Variants in CAMTA1 observed in about 807,000 individuals in gnomAD.
The protein encoded by CAMTA1 is calmodulin-binding transcription activator 1.
A neutral mutation model predicts 170.9 loss-of-function variants in CAMTA1; 27 were observed. That is an observed-to-expected ratio of 0.16 (90% CI 0.12 to 0.22). CAMTA1 has a LOEUF of 0.22. Ranked by LOEUF, CAMTA1 falls within the 10% of genes least tolerant of loss-of-function variation. The pLI is 1.00. For missense variants in CAMTA1, 1,619 were observed against 2,217.2 expected (o/e 0.73, Z 5.42); for synonymous variants, 833 against 891.5 (o/e 0.93, Z 1.17).
intron 4 of CAMTA1, among the ~76,000 whole-genome samples, chr1:7,139,762 T>C (rs1185202461): frequency 6.6e-6 from 1 of 152,160 alleles, no homozygotes; most frequent in Non-Finnish European, 1.5e-5. Flanking sequence ...GACGGATAAA[T>C]GGGACAATGA....
chr1:7,470,033 G>A (rs7538466), intron 6 of CAMTA1, among the ~76,000 whole-genome samples: 15 of 152,224 alleles, frequency 9.9e-5, no homozygotes, highest in Non-Finnish European at 1.9e-4. Context: ...GAGTCTCCCC[G>A]AAGGCCAGGA....
intron 6 of CAMTA1, among the ~76,000 whole-genome samples, chr1:7,572,992 C>T (rs900032479): frequency 3.9e-5 from 6 of 152,202 alleles, no homozygotes; most frequent in Non-Finnish European, 5.9e-5. Context: ...CCTGAACTCA[C>T]CAAAGCCTTA....
At chr1:7,597,331 G>C (rs928575507) in intron 6 of CAMTA1, among the ~76,000 whole-genome samples, 1 of 152,214 alleles carries the variant, frequency 6.6e-6, no homozygotes, top group Non-Finnish European at 1.5e-5. Flanking sequence ...TTCACTCAGT[G>C]TTTTGCACAG....
intron 4 of CAMTA1, among the ~76,000 whole-genome samples, chr1:7,151,508 G>A (rs1646577447): frequency 6.6e-6 from 1 of 152,198 alleles, no homozygotes; most frequent in South Asian, 2.1e-4. Flanking sequence ...GTCTCTGAAT[G>A]AATATAGCCA....
intron 6 of CAMTA1, among the ~76,000 whole-genome samples, chr1:7,563,664 T>A (rs967971433): frequency 6.6e-6 from 1 of 152,192 alleles, no homozygotes; most frequent in Non-Finnish European, 1.5e-5. Context: ...CTGAGTGGTA[T>A]CAGTGCTTCT....
At position 7,737,383 on chromosome 1, in the gene CAMTA1, G is replaced by A. The variant is rs151130353; in HGVS notation, c.3471G>A (p.Val1157=). 1,285 of 1,614,246 alleles carry A rather than the reference G, an allele frequency of 8.0e-4. 2 individuals are homozygous for A. Among genetic ancestry groups the A allele is most frequent in the South Asian group, 1.7e-3 (153 of 91,088 alleles). Reference sequence around the variant, plus strand: ...GAATTGCCAGGTCACGGGGTCATGTGAAATTAGCAGAGTGTCTGGAGCACC... The same window carrying A: ...GAATTGCCAGGTCACGGGGTCATGTAAAATTAGCAGAGTGTCTGGAGCACC... ...PLGIARSRGH[V]KLAECLEHLQ... is the part of the protein sequence containing the mutation. The change falls in exon 15 of 23, where the codon GTG becomes GTA. Residue 1157 remains valine, a synonymous_variant. Transcript: ENST00000303635.
chr1:7,012,210 A>G (rs1699902499), intron 3 of CAMTA1, among the ~76,000 whole-genome samples: 1 of 151,684 alleles, frequency 6.6e-6, no homozygotes, highest in Admixed American at 6.6e-5. Flanking sequence ...CACGCTTCCC[A>G]TTCTCCAAGG....
intron 5 of CAMTA1, among the ~76,000 whole-genome samples, chr1:7,254,596 G>A (rs971402303): frequency 3.9e-5 from 6 of 152,152 alleles, no homozygotes; most frequent in African/African-American, 7.2e-5. Flanking sequence ...TGGTGGTAAT[G>A]AGGTTATGTT....
chr1:7,324,301 A>G (rs1030176711), intron 5 of CAMTA1, among the ~76,000 whole-genome samples: 2 of 151,908 alleles, frequency 1.3e-5, no homozygotes, highest in African/African-American at 4.8e-5. Context: ...TTTGCTTAGT[A>G]TTTGATCTCT....
At chr1:6,951,076 C>T (rs1308637368) in intron 3 of CAMTA1, among the ~76,000 whole-genome samples, 2 of 152,172 alleles carry the variant, frequency 1.3e-5, no homozygotes, top group East Asian at 1.9e-4. Context: ...TGCAGACAAC[C>T]TTTCTATAGC....
At chr1:7,247,738 G>A (rs374706852) in intron 4 of CAMTA1, among the ~76,000 whole-genome samples, 2 of 152,088 alleles carry the variant, frequency 1.3e-5, no homozygotes, top group Admixed American at 1.3e-4. Context: ...GGGCGGGGAG[G>A]GCTTACAGCA....
intron 4 of CAMTA1, among the ~76,000 whole-genome samples, chr1:7,111,745 C>T (rs894554795): frequency 6.6e-6 from 1 of 151,966 alleles, no homozygotes; most frequent in African/African-American, 2.4e-5. Context: ...ATTAGCCAGG[C>T]GTGGTGGCAC....
intron 3 of CAMTA1, among the ~76,000 whole-genome samples, chr1:6,962,933 C>T (rs1690756779): frequency 6.6e-6 from 1 of 151,174 alleles, no homozygotes; most frequent in African/African-American, 2.4e-5. Context: ...CTGGACCCAC[C>T]CCTCTTTCAG....
chr1:7,071,650 A>G (rs1315895423), intron 3 of CAMTA1, among the ~76,000 whole-genome samples: 3 of 152,254 alleles, frequency 2.0e-5, no homozygotes, highest in Non-Finnish European at 4.4e-5. Flanking sequence ...AAAGCCAATT[A>G]ATATCTAACC....
rs180831868 is a variant in CAMTA1 at position 7,047,627 on chromosome 1, A to G, written c.235-43677A>G. Among the ~76,000 whole-genome samples, 8 of 151,808 alleles carry G rather than the reference A, an allele frequency of 5.3e-5. No homozygotes were observed. The East Asian group carries it at 1.5e-3, about 29-fold the overall frequency. On this transcript the variant is annotated intron_variant, in intron 3 of 22. Transcript: ENST00000303635. ...CCTAGAAGTTGCCCTTTAACTGGCCAGTGTCTCCAAAGTGGTTGCATGTCT... is the reference window on the plus strand; with the variant it reads ...CCTAGAAGTTGCCCTTTAACTGGCCGGTGTCTCCAAAGTGGTTGCATGTCT...
At chr1:6,913,477 G>A (rs991968949) in intron 3 of CAMTA1, among the ~76,000 whole-genome samples, 1 of 152,202 alleles carries the variant, frequency 6.6e-6, no homozygotes, top group Non-Finnish European at 1.5e-5. Context: ...CTAGTGGTCA[G>A]CACCCTGCTT....
chr1:7,423,469 C>CAAAAA (rs1016382434), intron 5 of CAMTA1, among the ~76,000 whole-genome samples: 2 of 47,884 alleles, frequency 4.2e-5, no homozygotes, highest in Non-Finnish European at 4.8e-5. Flanking sequence ...AACTCCATCT[C>CAAAAA]AAAAAAAAAA....
chr1:7,352,490 G>A (rs2084759531), intron 5 of CAMTA1, among the ~76,000 whole-genome samples: 1 of 152,228 alleles, frequency 6.6e-6, no homozygotes, highest in African/African-American at 2.4e-5. Context: ...CTGAGCTGAT[G>A]ACTCTGTCCC....
intron 4 of CAMTA1, among the ~76,000 whole-genome samples, chr1:7,163,609 G>A (rs956362404): frequency 6.6e-6 from 1 of 152,204 alleles, no homozygotes; most frequent in Non-Finnish European, 1.5e-5. Flanking sequence ...TTTAGCTCTA[G>A]GCTCTGCAAT....
Sources: gnomAD v4.1 joint callset for allele counts (sites outside exome capture counted in the v4.1 genomes callset) on GRCh38, gnomAD v4.1.1 for gene constraint, MANE v1.5 for transcripts, NCBI Gene and HGNC (gene_info 2026-07-23, HGNC 2026-07-21) for gene names.